The following PRRC1 variants were observed in gnomAD, a reference collection of about 807,000 sequenced individuals.
PRRC1 encodes the protein protein PRRC1.
PRRC1 carries 39 observed loss-of-function variants against 40.7 expected under a neutral mutation model. That is an observed-to-expected ratio of 0.96 (90% CI 0.74 to 1.25). PRRC1 has a LOEUF of 1.25. PRRC1 is among the 50% of genes most tolerant of loss of function. The probability of loss-of-function intolerance (pLI) is 0.00; values close to 1 mark genes in which losing one functional copy is unlikely to be tolerated. For synonymous variants in PRRC1, 175 were observed against 193.3 expected (o/e 0.91, Z 0.79); for missense variants, 573 against 548.3 (o/e 1.05, Z -0.45).
chr5:127,533,924 C>T, intron 6 of PRRC1, 138 bp downstream of exon 6: 1 of 854,788 alleles, frequency 1.2e-6, no homozygotes, highest in African/African-American at 1.7e-5. Context: ...TAGTAGACAG[C>T]CCTATCGTAT....
chr5:127,543,669 T>C (rs1249820013), intron 7 of PRRC1, among the ~76,000 whole-genome samples: 2 of 152,240 alleles, frequency 1.3e-5, no homozygotes, highest in Non-Finnish European at 2.9e-5. Context: ...TCGCGTCGGC[T>C]CCTGAGGCTT....
Position 127,533,626 on chromosome 5 carries a change from CTG to C in PRRC1, c.762_763del (p.Gly255ArgfsTer2). 1 of 1,607,516 alleles carries C rather than the reference CTG, an allele frequency of 6.2e-7. No homozygotes were observed. ...AATTTTCCTCTGGTCTTTTTAGAAT[CTG>C]GAGGTGAACTGGATATTGTAGTGAC... On this transcript the variant is annotated frameshift_variant, in exon 6 of 9. Transcript: ENST00000296666. LOFTEE classifies it high-confidence loss of function.
intron 6 of PRRC1, among the ~76,000 whole-genome samples, chr5:127,535,117 A>G (rs1242962371): frequency 6.6e-6 from 1 of 151,638 alleles, no homozygotes; most frequent in African/African-American, 2.4e-5. Context: ...GCCTCTGGTC[A>G]CATTTTGCCA....
intron 1 of PRRC1, among the ~76,000 whole-genome samples, chr5:127,519,557 G>A (rs942142461): frequency 6.6e-5 from 10 of 152,014 alleles, no homozygotes; most frequent in Non-Finnish European, 1.5e-4. Context: ...TTCATACTGC[G>A]AAACTCTGGC....
chr5:127,550,398 C>CA (rs1356321637), intron 8 of PRRC1: 1 of 152,026 alleles, frequency 6.6e-6, no homozygotes, highest in Non-Finnish European at 1.5e-5. Flanking sequence ...ATCAGCCCTT[C>CA]AGGTAATTAG....
chr5:127,530,035 C>T (rs1192713669), intron 4 of PRRC1, among the ~76,000 whole-genome samples: 2 of 151,924 alleles, frequency 1.3e-5, no homozygotes, highest in Non-Finnish European at 2.9e-5. Flanking sequence ...TATAGTATAG[C>T]ATCCTTTCCA....
intron 6 of PRRC1, among the ~76,000 whole-genome samples, chr5:127,537,868 G>C (rs1767938543): frequency 6.6e-6 from 1 of 151,898 alleles, no homozygotes; most frequent in South Asian, 2.1e-4. Flanking sequence ...TGTTAATACT[G>C]CTTTCAAAAT....
intron 1 of PRRC1, among the ~76,000 whole-genome samples, chr5:127,520,878 A>T (rs921320301): frequency 1.3e-5 from 2 of 152,202 alleles, no homozygotes; most frequent in African/African-American, 4.8e-5. Context: ...TGATCATTGT[A>T]GTGTAGTTAT....
intron 6 of PRRC1, among the ~76,000 whole-genome samples, chr5:127,536,831 T>C (rs1767913902): frequency 6.6e-6 from 1 of 152,022 alleles, no homozygotes; most frequent in Admixed American, 6.6e-5. Flanking sequence ...TTGAAACTAA[T>C]ATATAAGAAA....
chr5:127,524,613 C>G lies in PRRC1; in HGVS notation c.186C>G (p.Pro62=), dbSNP rs762073181. 5 of 1,614,164 alleles carry G rather than the reference C, an allele frequency of 3.1e-6. No individual in the cohort carries two copies. The highest frequency in any genetic ancestry group is 1.7e-5 in the Admixed American group (1 of 60,022). ...TCGCATACTCTACTCCTCAGCCGCC[C>G]CTTCCTCCTGTGAGGCCTTCAGCAC... The part of the protein sequence containing the change: ...PPLAYSTPQP[P]LPPVRPSAPL... Residue 62 remains proline, a synonymous_variant, in exon 3 of 9, where the codon CCC becomes CCG. Transcript: ENST00000296666.
At chr5:127,534,213 G>T (rs1219111821) in intron 6 of PRRC1, among the ~76,000 whole-genome samples, 1 of 151,612 alleles carries the variant, frequency 6.6e-6, no homozygotes, top group East Asian at 1.9e-4. Context: ...GTTATTACCA[G>T]CATACAGTCA....
At chr5:127,543,512 G>A (rs1206152004) in intron 7 of PRRC1, among the ~76,000 whole-genome samples, 6 of 152,154 alleles carry the variant, frequency 3.9e-5, no homozygotes, top group Admixed American at 6.5e-5. Context: ...AGGTACACCA[G>A]TCAGACGTAG....
In PRRC1 at chr5:127,537,611, A is replaced by G. The variant is rs148184699; in HGVS notation, c.922-1429A>G. Among the ~76,000 whole-genome samples the G allele has an allele frequency of 8.2e-3, 1,253 of 152,042 alleles. 8 individuals carry two copies. Among genetic ancestry groups the G allele is most frequent in the Admixed American group, 0.017 (263 of 15,258 alleles). Reference sequence around the variant, plus strand: ...GCTGTAGGATAGTGAAAAATGAACAAACTTAGTCTCTGTTCCCTGGAAGCA... The same window carrying G: ...GCTGTAGGATAGTGAAAAATGAACAGACTTAGTCTCTGTTCCCTGGAAGCA... On this transcript the variant is annotated intron_variant, in intron 6 of 8. Coordinates refer to ENST00000296666, the MANE Select transcript of PRRC1 (RefSeq NM_130809.5).
chr5:127,546,984 A>G (rs1481081700), intron 7 of PRRC1, among the ~76,000 whole-genome samples: 2 of 152,170 alleles, frequency 1.3e-5, no homozygotes, highest in East Asian at 1.9e-4. Context: ...ATGTTACTGT[A>G]TATTTTACTT....
At position 127,526,672 on chromosome 5, in the gene PRRC1, G is replaced by A. The variant is rs779601824; in HGVS notation, c.548G>A (p.Gly183Glu). The change falls in exon 4 of 9, where the codon GGA becomes GAA. Residue 183 changes from glycine to glutamate, a missense_variant. Coordinates refer to ENST00000296666, the MANE Select transcript of PRRC1 (RefSeq NM_130809.5). The stretch of plus-strand genomic sequence containing the variant: ...GCCAGTTTGACATCTCTGGCACAGG[G>A]AACTGGAACCACATCAGCCATTACT... ...QQASLTSLAQ[G>E]TGTTSAITFP... 1.9e-6 allele frequency: 3 copies of A among 1,613,550 alleles called. No homozygotes were observed. Among genetic ancestry groups the A allele is most frequent in the Middle Eastern group, 1.7e-4 (1 of 6,058 alleles).
intron 6 of PRRC1, among the ~76,000 whole-genome samples, chr5:127,537,555 T>C (rs2127104830): frequency 6.6e-6 from 1 of 152,070 alleles, no homozygotes; most frequent in South Asian, 2.1e-4. Context: ...AATTAAATGT[T>C]TTGTGAATCC....
intron 7 of PRRC1, among the ~76,000 whole-genome samples, chr5:127,545,598 G>A (rs989604324): frequency 1.4e-5 from 2 of 143,044 alleles, no homozygotes; most frequent in Admixed American, 7.3e-5. Context: ...AGAACACATG[G>A]ACACAGGAAG....
At chr5:127,523,748 G>A (rs1408926168) in intron 2 of PRRC1, 166 bp downstream of exon 2, 3 of 437,654 alleles carry the variant, frequency 6.9e-6, no homozygotes, top group Non-Finnish European at 1.2e-5. Context: ...AGAAAGTCTT[G>A]TGTATTTAAA....
chr5:127,534,595 CCTT>C (rs1485365587), intron 6 of PRRC1, among the ~76,000 whole-genome samples: 2 of 152,136 alleles, frequency 1.3e-5, no homozygotes, highest in African/African-American at 4.8e-5. Flanking sequence ...GTTTTTCCCT[CCTT>C]CATGTATTGC....
Sources: gnomAD v4.1 joint callset for allele counts (sites outside exome capture counted in the v4.1 genomes callset) on GRCh38, gnomAD v4.1.1 for gene constraint, MANE v1.5 for transcripts, NCBI Gene and HGNC (gene_info 2026-07-23, HGNC 2026-07-21) for gene names.